Variants in CNTNAP2 observed in about 807,000 individuals in gnomAD.
CNTNAP2 encodes the protein contactin-associated protein-like 2.
In CNTNAP2, 98 loss-of-function variants were observed where a neutral mutation model predicts 155.2. That is an observed-to-expected ratio of 0.63 (90% CI 0.54 to 0.75). The LOEUF is 0.75. Ranked by LOEUF, CNTNAP2 falls within the 30% of genes least tolerant of loss-of-function variation. CNTNAP2 has a pLI of 0.00. For missense variants in CNTNAP2, 1,727 were observed against 1,688.1 expected (o/e 1.02, Z -0.40); for synonymous variants, 651 against 631.2 (o/e 1.03, Z -0.47).
At chr7:146,174,241 C>T (rs1798437571) in intron 1 of CNTNAP2, among the ~76,000 whole-genome samples, 1 of 151,250 alleles carries the variant, frequency 6.6e-6, no homozygotes, top group South Asian at 2.1e-4. Context: ...AAAAACCCAA[C>T]ATAACAACAG....
chr7:147,019,528 A>G (rs1372059360), intron 3 of CNTNAP2, among the ~76,000 whole-genome samples: 1 of 152,066 alleles, frequency 6.6e-6, no homozygotes, highest in Non-Finnish European at 1.5e-5. Context: ...TTAAATTTTA[A>G]TTGTGTTTGG....
chr7:146,739,730 T>C (rs549369398), intron 1 of CNTNAP2, among the ~76,000 whole-genome samples: 10 of 152,062 alleles, frequency 6.6e-5, no homozygotes, highest in African/African-American at 2.4e-4. Context: ...TCCATTGCTG[T>C]AAATGGGTTG....
At chr7:146,664,215 G>A (rs1168124149) in intron 1 of CNTNAP2, among the ~76,000 whole-genome samples, 6 of 135,750 alleles carry the variant, frequency 4.4e-5, no homozygotes, top group African/African-American at 1.7e-4. Context: ...AGGTTGGTGT[G>A]CAGTGGCATG....
chr7:146,940,135 A>G (rs1054361326), intron 3 of CNTNAP2, among the ~76,000 whole-genome samples: 1 of 152,158 alleles, frequency 6.6e-6, no homozygotes, highest in African/African-American at 2.4e-5. Flanking sequence ...TTAAAATTTA[A>G]TATTTCATTG....
intron 1 of CNTNAP2, among the ~76,000 whole-genome samples, chr7:146,680,663 A>G (rs1800486290): frequency 6.6e-6 from 1 of 152,226 alleles, no homozygotes; most frequent in African/African-American, 2.4e-5. Flanking sequence ...TTTATGAGTG[A>G]AGGCTTTCTG....
At chr7:147,047,887 A>G (rs972908026) in intron 4 of CNTNAP2, among the ~76,000 whole-genome samples, 1 of 152,172 alleles carries the variant, frequency 6.6e-6, no homozygotes, top group East Asian at 1.9e-4. Flanking sequence ...TAACATTTAT[A>G]TCAATAGATG....
chr7:147,120,963 A>G lies in CNTNAP2; in HGVS notation c.755-16A>G, dbSNP rs752395186. 4 of 1,612,434 alleles carry G rather than the reference A, an allele frequency of 2.5e-6. No individual in the cohort carries two copies. The highest frequency in any genetic ancestry group is 2.5e-6 in the Non-Finnish European group (3 of 1,179,556). ...AGCATCATTGCATTGTTTCTTTTTC[A>G]CTTCTGTGTACGCAGGAAGCAACCA... On this transcript the variant is annotated splice_polypyrimidine_tract_variant and intron_variant, in intron 5 of 23. Coordinates refer to ENST00000361727, the MANE Select transcript of CNTNAP2 (RefSeq NM_014141.6).
rs71527797 is a variant in CNTNAP2 at position 146,721,889 on chromosome 7, A to AT, written c.98-52365dup. Among the ~76,000 whole-genome samples the AT allele has an allele frequency of 8.6e-5, 6 of 69,738 alleles. 1 individual carries two copies. The highest frequency in any genetic ancestry group is 2.8e-4 in the East Asian group (1 of 3,516). 45.8% of individuals were successfully genotyped at this position (69,738 alleles called of 152,430 possible). A position where few individuals can be genotyped will look rare whatever the true frequency, so the allele number is the denominator to read the frequency against. On this transcript the variant is annotated intron_variant, in intron 1 of 23. Coordinates refer to ENST00000361727, the MANE Select transcript of CNTNAP2 (RefSeq NM_014141.6). ...TGTGTGTGTGTGTATATATATATATATTTTTTTTTTTTTTTTTGAGATGGA... is the reference window on the plus strand; with the variant it reads ...TGTGTGTGTGTGTATATATATATATATTTTTTTTTTTTTTTTTTGAGATGGA...
chr7:146,959,134 C>T (rs2129229962), intron 3 of CNTNAP2, among the ~76,000 whole-genome samples: 1 of 152,112 alleles, frequency 6.6e-6, no homozygotes, highest in Non-Finnish European at 1.5e-5. Flanking sequence ...ATTCTCCTGC[C>T]TCAGCCTGCC....
chr7:146,651,852 C>A (rs1472338163), intron 1 of CNTNAP2, among the ~76,000 whole-genome samples: 1 of 152,086 alleles, frequency 6.6e-6, no homozygotes, highest in Non-Finnish European at 1.5e-5. Context: ...TTGTCTGTCA[C>A]AGTAAAGTAT....
chr7:147,988,791 C>T lies in CNTNAP2; in HGVS notation c.2383+10802C>T, dbSNP rs114679565. On this transcript the variant is annotated intron_variant, in intron 15 of 23. Coordinates refer to ENST00000361727, the MANE Select transcript of CNTNAP2 (RefSeq NM_014141.6). ...TTCTCTGCTGAACTCTCTGACCAAT[C>T]TCTCACCATTTGAAGAGAATTAGTC... Among the ~76,000 whole-genome samples, 293 of 152,328 alleles carry T rather than the reference C, an allele frequency of 1.9e-3. 4 individuals carry two copies. The highest frequency in any genetic ancestry group is 6.8e-3 in the African/African-American group (282 of 41,574).
At chr7:147,407,069 CT>C (rs1797016477) in intron 10 of CNTNAP2, among the ~76,000 whole-genome samples, 1 of 152,166 alleles carries the variant, frequency 6.6e-6, no homozygotes, top group Non-Finnish European at 1.5e-5. Context: ...ACCCCCCCCT[CT>C]GGGAAATTAG....
chr7:147,873,501 A>C (rs185066709), intron 13 of CNTNAP2, among the ~76,000 whole-genome samples: 1 of 152,304 alleles, frequency 6.6e-6, no homozygotes, highest in African/African-American at 2.4e-5. Context: ...CAATCTTGTG[A>C]GACTTATTCA....
chr7:146,359,266 A>G (rs1010970358), intron 1 of CNTNAP2, among the ~76,000 whole-genome samples: 2 of 152,210 alleles, frequency 1.3e-5, no homozygotes, highest in African/African-American at 4.8e-5. Context: ...GTTGAGGAAA[A>G]CCTCTCAAGG....
intron 6 of CNTNAP2, 89 bp from the exon 7 acceptor site, chr7:147,128,604 T>C: frequency 1.4e-6 from 2 of 1,450,678 alleles, no homozygotes; most frequent in African/African-American, 1.4e-5. Flanking sequence ...GGTTGAGGTA[T>C]AGATACTTGA....
chr7:148,372,335 A>T (rs191776500), intron 21 of CNTNAP2, among the ~76,000 whole-genome samples: 35 of 152,292 alleles, frequency 2.3e-4, no homozygotes, highest in African/African-American at 7.7e-4. Flanking sequence ...GGCCTAGGAC[A>T]TTATACTACT....
chr7:147,118,008 C>A (rs4416747), intron 5 of CNTNAP2, among the ~76,000 whole-genome samples: 75,889 of 151,814 alleles, frequency 0.5, 19,470 homozygotes, highest in Middle Eastern at 0.66. Context: ...TAATATAAAT[C>A]ATGAATAAGA....
chr7:146,550,414 T>TTTTGTTG lies in CNTNAP2; in HGVS notation c.98-223854_98-223853insGTTGTTT, dbSNP rs1554447426. Among the ~76,000 whole-genome samples, 6 of 124,838 alleles carry TTTTGTTG rather than the reference T, an allele frequency of 4.8e-5. No individual in the cohort carries two copies. The East Asian group carries it at 1.3e-3, about 27-fold the overall frequency. 81.9% of individuals were successfully genotyped at this position (124,838 alleles called of 152,430 possible). A position where few individuals can be genotyped will look rare whatever the true frequency, so the allele number is the denominator to read the frequency against. On this transcript the variant is annotated intron_variant, in intron 1 of 23. Coordinates refer to ENST00000361727, the MANE Select transcript of CNTNAP2 (RefSeq NM_014141.6). ...GTCCATTAATCTGTTTTTTTTTTTT[T>TTTTGTTG]TTTTTTTTTTTTTTTATAAAGTACC...
chr7:146,189,388 G>A (rs1157808416), intron 1 of CNTNAP2, among the ~76,000 whole-genome samples: 1 of 152,092 alleles, frequency 6.6e-6, no homozygotes, highest in Non-Finnish European at 1.5e-5. Context: ...AAATTAAATA[G>A]GTTTCCGGTC....
Sources: gnomAD v4.1 joint callset for allele counts (sites outside exome capture counted in the v4.1 genomes callset) on GRCh38, gnomAD v4.1.1 for gene constraint, MANE v1.5 for transcripts, NCBI Gene and HGNC (gene_info 2026-07-23, HGNC 2026-07-21) for gene names.